Variants in BCL11A observed in about 807,000 individuals in gnomAD.
BCL11A encodes BCL11 transcription factor A.
BCL11A carries 2 observed loss-of-function variants against 55.9 expected under a neutral mutation model. The ratio of observed to expected loss-of-function variants is 0.04; its 90% CI spans 0.01 to 0.11. The LOEUF (loss-of-function observed/expected upper bound fraction) is 0.11, where lower values mean the gene tolerates loss of function less well. Ranked by LOEUF, BCL11A falls within the 10% of genes least tolerant of loss-of-function variation. The probability of loss-of-function intolerance (pLI) is 1.00; values close to 1 mark genes in which losing one functional copy is unlikely to be tolerated. For synonymous variants in BCL11A, 465 were observed against 473.4 expected, an observed-to-expected ratio of 0.98 and a Z score of 0.23; for missense variants, 817 against 1,137.1, an observed-to-expected ratio of 0.72 and a Z score of 4.05.
chr2:60,506,781 G>A (rs1679622366), intron 2 of BCL11A, among the ~76,000 whole-genome samples: 1 of 152,196 alleles, frequency 6.6e-6, no homozygotes, highest in Non-Finnish European at 1.5e-5. Context: ...CTATAATGCT[G>A]AGATTTATAC....
intron 3 of BCL11A, among the ~76,000 whole-genome samples, chr2:60,465,557 A>G (rs1457727292): frequency 1.3e-5 from 2 of 152,224 alleles, no homozygotes; most frequent in African/African-American, 4.8e-5. Context: ...TATGTCACCA[A>G]TGTGAAAAAG....
chr2:60,529,327 A>C (rs1304494662), intron 2 of BCL11A, among the ~76,000 whole-genome samples: 1 of 152,210 alleles, frequency 6.6e-6, no homozygotes, highest in African/African-American at 2.4e-5. Context: ...AGGCCCTATG[A>C]GGCAAGCCCC....
chr2:60,459,610 T>C lies in BCL11A; in HGVS notation c.*794A>G, dbSNP rs1017799762. On this transcript the variant is annotated 3_prime_UTR_variant, in exon 4 of 4. Transcript: ENST00000642384. ...TCCTAAGGTTTATTACCTCACCCAA[T>C]GCTGAATTAAGCTACAAGTTTATAA... 10 of 1,029,588 alleles carry C rather than the reference T, an allele frequency of 9.7e-6. No homozygotes were observed. Among genetic ancestry groups the C allele is most frequent in the African/African-American group, 5.1e-5 (3 of 59,176 alleles). The allele number at this position is 1,029,588 out of a possible 1,614,324, so 63.8% of individuals were successfully genotyped here. A position where few individuals can be genotyped will look rare whatever the true frequency, so the allele number is the denominator to read the frequency against.
At position 60,545,958 on chromosome 2, in the gene BCL11A, G is replaced by C; in HGVS notation, c.385+13C>G. On this transcript the variant is annotated intron_variant, in intron 2 of 3. Coordinates refer to ENST00000642384, the MANE Select transcript of BCL11A (RefSeq NM_022893.4). ...AAACATGCAAACAGCTTTTCTCCTT[G>C]CTTCTCATTTACCTGCTATGTGTTC... 6.2e-7 allele frequency: 1 copy of C among 1,604,662 alleles called. No homozygotes were observed. Among genetic ancestry groups the C allele is most frequent in the Non-Finnish European group, 8.5e-7 (1 of 1,173,830 alleles).
chr2:60,471,510 T>C (rs537635638), intron 2 of BCL11A, among the ~76,000 whole-genome samples: 9 of 152,350 alleles, frequency 5.9e-5, no homozygotes, highest in African/African-American at 1.9e-4. Flanking sequence ...CTTAACTTCT[T>C]GCTATGATGC....
At chr2:60,495,814 C>A (rs1257336849) in intron 2 of BCL11A, 1 of 152,180 alleles carries the variant, frequency 6.6e-6, no homozygotes, top group Non-Finnish European at 1.5e-5. Context: ...CAATTCAATA[C>A]CCCTTCCCCC....
intron 2 of BCL11A, among the ~76,000 whole-genome samples, chr2:60,539,634 T>C (rs180980237): frequency 8.5e-5 from 13 of 152,352 alleles, no homozygotes; most frequent in African/African-American, 3.1e-4. Flanking sequence ...TGGCATCAAG[T>C]ATACTGGCTT....
chr2:60,476,951 T>C (rs1572979170), intron 2 of BCL11A, among the ~76,000 whole-genome samples: 1 of 152,344 alleles, frequency 6.6e-6, no homozygotes, highest in South Asian at 2.1e-4. Flanking sequence ...TCCATGCCTT[T>C]GTAGTTAGAA....
At position 60,538,158 on chromosome 2, in the gene BCL11A, G is replaced by C. The variant is rs74875056; in HGVS notation, c.385+7813C>G. On this transcript the variant is annotated intron_variant, in intron 2 of 3. Coordinates refer to ENST00000642384, the MANE Select transcript of BCL11A (RefSeq NM_022893.4). Reference sequence around the variant, plus strand: ...CGCCTTCTCGCCTCTTTTACAGGAAGTTTAAACCTGATCATCTCACCTTTA... The same window carrying C: ...CGCCTTCTCGCCTCTTTTACAGGAACTTTAAACCTGATCATCTCACCTTTA... The C allele has an allele frequency of 6.6e-5, 10 of 152,306 alleles. No homozygotes were observed. In the East Asian group the frequency reaches 1.7e-3, roughly 26 times the overall value. 9.4% of individuals were successfully genotyped at this position (152,306 alleles called of 1,614,324 possible). A position where few individuals can be genotyped will look rare whatever the true frequency, so the allele number is the denominator to read the frequency against.
chr2:60,529,205 A>G (rs1383095408), intron 2 of BCL11A, among the ~76,000 whole-genome samples: 1 of 152,192 alleles, frequency 6.6e-6, no homozygotes, highest in Non-Finnish European at 1.5e-5. Flanking sequence ...CCAGGAGCAC[A>G]CAGTTCCAAG....
chr2:60,463,718 A>G (rs546740832), intron 3 of BCL11A, among the ~76,000 whole-genome samples: 1 of 152,146 alleles, frequency 6.6e-6, no homozygotes, highest in Non-Finnish European at 1.5e-5. Context: ...CCAACAGTTT[A>G]CTAGTCAACT....
At chr2:60,500,991 T>A (rs1238493990) in intron 2 of BCL11A, among the ~76,000 whole-genome samples, 1 of 152,148 alleles carries the variant, frequency 6.6e-6, no homozygotes, top group Non-Finnish European at 1.5e-5. Flanking sequence ...GGTCGCTGCA[T>A]CCTCCTCTGT....
At chr2:60,453,461 C>T (rs1177629247), downstream of BCL11A, among the ~76,000 whole-genome samples, 1 of 152,154 alleles carries the variant, frequency 6.6e-6, no homozygotes, top group African/African-American at 2.4e-5. Context: ...GGGCCTGGGG[C>T]CTCCTCTCCC....
At chr2:60,521,653 T>C (rs1668999221) in intron 2 of BCL11A, among the ~76,000 whole-genome samples, 1 of 152,240 alleles carries the variant, frequency 6.6e-6, no homozygotes, top group African/African-American at 2.4e-5. Flanking sequence ...TGACGTGTTC[T>C]TTGTCCCCTT....
rs769722514 is a variant in BCL11A at position 60,461,499 on chromosome 2, C to G, written c.1413G>C (p.Lys471Asn). ...GGATCAGGTTGGGGTCGTTCTCGCT[C>G]TTGAACTTGGCCACCACGGACTTGA... ...SALKSVVAKF[K>N]SENDPNLIPE... Residue 471 changes from lysine (K) to asparagine (N), a missense_variant, in exon 4 of 4, where the codon AAG (lysine) becomes AAC (asparagine). This residue lies in a region of BCL11A where 379 missense variants were observed against 425.3 expected (regional missense o/e 0.89). Coordinates refer to ENST00000642384, the MANE Select transcript of BCL11A (RefSeq NM_022893.4). 5 of 1,606,172 alleles carry G rather than the reference C, an allele frequency of 3.1e-6. No individual in the cohort carries two copies. Among genetic ancestry groups the G allele is most frequent in the Non-Finnish European group, 4.2e-6 (5 of 1,179,934 alleles).
chr2:60,514,044 A>G (rs1668613075), intron 2 of BCL11A, among the ~76,000 whole-genome samples: 1 of 152,248 alleles, frequency 6.6e-6, no homozygotes, highest in South Asian at 2.1e-4. Context: ...GTGGCCTGGC[A>G]TGGGCTGAGG....
intron 3 of BCL11A, among the ~76,000 whole-genome samples, chr2:60,467,846 ATGCTACTGGTG>A (rs1676897973): frequency 3.2e-5 from 2 of 61,556 alleles, no homozygotes; most frequent in Admixed American, 1.3e-4. Flanking sequence ...GGTGGTGGTG[ATGCTACTGGTG>A]GTGATGGTAC....
intron 3 of BCL11A, among the ~76,000 whole-genome samples, chr2:60,464,374 T>C (rs760976026): frequency 1.3e-5 from 2 of 152,204 alleles, no homozygotes; most frequent in Non-Finnish European, 2.9e-5. Context: ...TTTTTTGTTG[T>C]TGTTGAACAA....
intron 1 of BCL11A, among the ~76,000 whole-genome samples, chr2:60,548,157 T>C (rs894640252): frequency 3.9e-5 from 6 of 152,228 alleles, no homozygotes; most frequent in Non-Finnish European, 8.8e-5. Flanking sequence ...ATTCCTGTTG[T>C]CTGAATTAAG....
Sources: gnomAD v4.1 joint callset for allele counts (sites outside exome capture counted in the v4.1 genomes callset) on GRCh38, gnomAD v4.1.1 for gene constraint, gnomAD v4.1.1 regional missense constraint, MANE v1.5 for transcripts, NCBI Gene and HGNC (gene_info 2026-07-23, HGNC 2026-07-21) for gene names.